Variants in TUBD1 observed in about 807,000 individuals in gnomAD.
The protein encoded by TUBD1 is tubulin delta chain.
Under a neutral mutation model 51.2 loss-of-function variants are expected in TUBD1, and 38 were observed. The ratio of observed to expected loss-of-function variants is 0.74; its 90% confidence interval spans 0.57 to 0.97. The LOEUF (loss-of-function observed/expected upper bound fraction) is 0.97. TUBD1 is among the 50% of genes least tolerant of loss of function. The pLI, the probability that TUBD1 is intolerant of heterozygous loss-of-function variation, is 0.00. For synonymous variants in TUBD1, 169 were observed against 178.2 expected, an observed-to-expected ratio of 0.95 and a Z score of 0.41; for missense variants, 489 against 538.4, an observed-to-expected ratio of 0.91 and a Z score of 0.91.
At chr17:59,879,025 A>G (rs540614286) in intron 4 of TUBD1, among the ~76,000 whole-genome samples, 1 of 152,274 alleles carries the variant, frequency 6.6e-6, no homozygotes, top group African/African-American at 2.4e-5. Context: ...CTGTAATCCC[A>G]GCACTTTGGG....
intron 2 of TUBD1, among the ~76,000 whole-genome samples, chr17:59,887,560 G>T (rs2040793312): frequency 6.6e-6 from 1 of 152,186 alleles, no homozygotes. Flanking sequence ...GATGGATGGG[G>T]ATGAAAAGCA....
At chr17:59,886,335 A>T (rs1455408200) in intron 2 of TUBD1, 105 bp from the exon 3 acceptor site, 1 of 1,249,710 alleles carries the variant, frequency 8.0e-7, no homozygotes. Context: ...AAAAAAAAAA[A>T]AAATTCCAGG....
intron 5 of TUBD1, 36 bp downstream of exon 5, chr17:59,878,067 G>A (rs972230821): frequency 4.6e-6 from 7 of 1,535,704 alleles, no homozygotes; most frequent in African/African-American, 1.4e-5. Flanking sequence ...CAGAACATAA[G>A]GCTTTCCTAT....
chr17:59,875,248 T>C (rs2040175824), intron 5 of TUBD1, among the ~76,000 whole-genome samples: 1 of 151,242 alleles, frequency 6.6e-6, no homozygotes, highest in Non-Finnish European at 1.5e-5. Flanking sequence ...AGCTAACTTT[T>C]TGTACTTTAG....
chr17:59,875,001 A>G (rs2040159415), intron 5 of TUBD1, among the ~76,000 whole-genome samples: 1 of 151,794 alleles, frequency 6.6e-6, no homozygotes, highest in Admixed American at 6.6e-5. Context: ...GGTAAACTCC[A>G]GGCAAACAAA....
chr17:59,881,523 T>C (rs558238056), intron 3 of TUBD1, among the ~76,000 whole-genome samples: 1 of 152,192 alleles, frequency 6.6e-6, no homozygotes, highest in Non-Finnish European at 1.5e-5. Flanking sequence ...ACTTTAATAT[T>C]TGGGGTTTTC....
At position 59,878,215 on chromosome 17, in the gene TUBD1, G is replaced by A. The variant is rs772413374; in HGVS notation, c.657C>T (p.Ile219=). 3.1e-6 allele frequency: 5 copies of A among 1,614,120 alleles called. No individual in the cohort carries two copies. The Admixed American group carries it at 8.3e-5, about 27-fold the overall frequency. The change falls in exon 5 of 9, where the codon ATC becomes ATT. Residue 219 remains isoleucine (I), a synonymous_variant. Transcript: ENST00000325752. ...IHKICAKLMN[I]KQISFSDINQ... ...TGATATCACTAAAGGAGATCTGCTT[G>A]ATATTCATCAGTTTTGCACAGATCT... is the stretch of plus-strand genomic sequence containing the variant.
At chr17:59,888,403 T>C (rs541379376) in intron 2 of TUBD1, among the ~76,000 whole-genome samples, 4 of 152,146 alleles carry the variant, frequency 2.6e-5, no homozygotes, top group East Asian at 3.9e-4. Flanking sequence ...AAGGAGTATA[T>C]AGGAGGTCAA....
intron 3 of TUBD1, among the ~76,000 whole-genome samples, chr17:59,883,126 C>A (rs571523381): frequency 4.2e-4 from 64 of 151,856 alleles, no homozygotes; most frequent in Non-Finnish European, 8.2e-4. Flanking sequence ...GGCAGAGTCT[C>A]ACTCTGTTGC....
intron 8 of TUBD1, 99 bp from the exon 9 acceptor site, chr17:59,860,523 A>T (rs905000649): frequency 1.8e-5 from 13 of 715,576 alleles, no homozygotes; most frequent in Non-Finnish European, 2.8e-5. Context: ...GCTGATGAAC[A>T]TTTGAAGATC....
At chr17:59,869,472 C>A (rs1045675929) in intron 6 of TUBD1, among the ~76,000 whole-genome samples, 9 of 150,978 alleles carry the variant, frequency 6.0e-5, no homozygotes, top group East Asian at 1.9e-4. Context: ...AAGATTCTGT[C>A]CCCCCCGCCA....
intron 8 of TUBD1, among the ~76,000 whole-genome samples, chr17:59,862,535 T>A (rs188621155): frequency 4.6e-5 from 7 of 151,788 alleles, no homozygotes; most frequent in East Asian, 1.9e-4. Context: ...TTATGTTTTT[T>A]AATTTAATTT....
chr17:59,878,410 G>C (rs1210681218), intron 4 of TUBD1, 76 bp from the exon 5 acceptor site: 1 of 1,079,622 alleles, frequency 9.3e-7, no homozygotes, highest in African/African-American at 1.6e-5. Context: ...AAGGCATCCT[G>C]GCAGGGTTCA....
At chr17:59,866,771 A>G (rs759322900) in intron 6 of TUBD1, 22 bp from the exon 7 acceptor site, 12 of 1,575,396 alleles carry the variant, frequency 7.6e-6, no homozygotes, top group Admixed American at 3.9e-5. Flanking sequence ...AAAAAAAAGC[A>G]AGAGGTTTTA....
intron 2 of TUBD1, 79 bp from the exon 3 acceptor site, chr17:59,886,309 A>G: frequency 1.5e-6 from 2 of 1,374,122 alleles, no homozygotes; most frequent in Non-Finnish European, 1.9e-6. Context: ...CAGAGCATCT[A>G]AGTGTCCAAA....
At chr17:59,863,263 C>T (rs2039542736) in intron 8 of TUBD1, among the ~76,000 whole-genome samples, 1 of 152,158 alleles carries the variant, frequency 6.6e-6, no homozygotes, top group Admixed American at 6.6e-5. Context: ...AAAGTAGTAA[C>T]TATGCTTCCT....
At chr17:59,890,448 T>C (rs2040947394) in intron 2 of TUBD1, among the ~76,000 whole-genome samples, 1 of 152,070 alleles carries the variant, frequency 6.6e-6, no homozygotes, top group Admixed American at 6.6e-5. Flanking sequence ...TTCACCATGT[T>C]GGTCAGGCTG....
intron 2 of TUBD1, 54 bp from the exon 3 acceptor site, chr17:59,886,284 C>T: frequency 6.6e-7 from 1 of 1,505,668 alleles, no homozygotes; most frequent in Non-Finnish European, 8.9e-7. Flanking sequence ...TTTATTATGT[C>T]TTATTTGGGT....
At chr17:59,887,938 CT>C (rs11361835) in intron 2 of TUBD1, among the ~76,000 whole-genome samples, 39,896 of 144,402 alleles carry the variant, frequency 0.28, 5,428 homozygotes, top group East Asian at 0.5. Context: ...TGTTAGATGT[CT>C]TTTTTTTTTT....
Sources: gnomAD v4.1 joint callset for allele counts (sites outside exome capture counted in the v4.1 genomes callset) on GRCh38, gnomAD v4.1.1 for gene constraint, MANE v1.5 for transcripts, NCBI Gene and HGNC (gene_info 2026-07-23, HGNC 2026-07-21) for gene names.